The following CTNNB1 variants were observed in gnomAD, a reference collection of about 807,000 sequenced individuals.
The protein encoded by CTNNB1 is catenin beta-1.
CTNNB1 carries 6 observed loss-of-function variants against 82.5 expected under a neutral mutation model. The ratio of observed to expected loss-of-function variants is 0.07; its 90% CI spans 0.04 to 0.14. The LOEUF (loss-of-function observed/expected upper bound fraction) is 0.14, where lower values mean the gene tolerates loss of function less well. Ranked by LOEUF, CTNNB1 falls within the 10% of genes least tolerant of loss-of-function variation. The pLI, the probability that CTNNB1 is intolerant of heterozygous loss-of-function variation, is 1.00. For missense variants in CTNNB1, 529 were observed against 980.4 expected (o/e 0.54, Z 6.15); for synonymous variants, 312 against 329.7 (o/e 0.95, Z 0.58).
chr3:41,209,145 C>T (rs1307009531), intron 1 of CTNNB1, among the ~76,000 whole-genome samples: 1 of 152,164 alleles, frequency 6.6e-6, no homozygotes, highest in Non-Finnish European at 1.5e-5. Context: ...ACTAGCATTT[C>T]CTTCTTTGTT....
intron 1 of CTNNB1, among the ~76,000 whole-genome samples, chr3:41,204,744 TAC>T (rs1264681784): frequency 2.0e-5 from 3 of 152,258 alleles, no homozygotes; most frequent in Non-Finnish European, 2.9e-5. Context: ...ACAAATTAAA[TAC>T]ACTTATTTGC....
At chr3:41,236,928 T>A in intron 13 of CTNNB1, 1 of 613,830 alleles carries the variant, frequency 1.6e-6, no homozygotes, top group Non-Finnish European at 2.8e-6. Flanking sequence ...TTGTGTTATT[T>A]AAAATTATAA....
intron 1 of CTNNB1, among the ~76,000 whole-genome samples, chr3:41,212,303 T>G (rs974426169): frequency 2.0e-5 from 3 of 152,214 alleles, no homozygotes; most frequent in Non-Finnish European, 4.4e-5. Context: ...TTTTGTTGAA[T>G]GAATATTCTG....
At chr3:41,227,597 T>C (rs978254627) in intron 7 of CTNNB1, among the ~76,000 whole-genome samples, 3 of 152,172 alleles carry the variant, frequency 2.0e-5, no homozygotes, top group African/African-American at 7.2e-5. Flanking sequence ...ATAAAATTTG[T>C]TTGTAATTTC....
At chr3:41,230,933 C>G (rs1459922680) in intron 7 of CTNNB1, among the ~76,000 whole-genome samples, 1 of 152,186 alleles carries the variant, frequency 6.6e-6, no homozygotes, top group African/African-American at 2.4e-5. Context: ...AAAAGAATCT[C>G]ATAATGTTTA....
chr3:41,234,114 G>A, intron 9 of CTNNB1, 25 bp from the exon 10 acceptor site: 1 of 1,614,112 alleles, frequency 6.2e-7, no homozygotes, highest in Non-Finnish European at 8.5e-7. Flanking sequence ...TGAGTTGTAT[G>A]CCAGTTCTTC....
intron 10 of CTNNB1, chr3:41,234,740 T>C (rs1255358507): frequency 5.2e-6 from 1 of 193,424 alleles, no homozygotes; most frequent in Non-Finnish European, 1.1e-5. Context: ...CCTAAGAATA[T>C]TCAGAAATAA....
rs1207330730 is a variant in CTNNB1 at position 41,239,986 on chromosome 3, C to CTTTTTTTTTTTTTTTTTTTTTTTTT, written c.*645_*669dup. ...TGACTTTGCTTGCTTTGAAGTAGCT[C>CTTTTTTTTTTTTTTTTTTTTTTTTT]TTTTTTTTTTTTTTTTTTTTTTTTT... On this transcript the variant is annotated 3_prime_UTR_variant, in exon 15 of 15. Transcript: ENST00000349496. 6 of 30,586 alleles carry CTTTTTTTTTTTTTTTTTTTTTTTTT rather than the reference C, an allele frequency of 2.0e-4. No homozygotes were observed. The highest frequency in any genetic ancestry group is 4.3e-4 in the East Asian group (1 of 2,308). The allele number at this position is 30,586 out of a possible 1,614,324, so 1.9% of individuals were successfully genotyped here.
chr3:41,232,763 T>C (rs1328583002), intron 7 of CTNNB1, among the ~76,000 whole-genome samples: 1 of 152,124 alleles, frequency 6.6e-6, no homozygotes, highest in Non-Finnish European at 1.5e-5. Context: ...ACCCCAGGAA[T>C]TTACCTAGCT....
At chr3:41,237,253 T>C (rs1194811483) in intron 13 of CTNNB1, 1 of 163,946 alleles carries the variant, frequency 6.1e-6, no homozygotes, top group Non-Finnish European at 1.3e-5. Flanking sequence ...AAAGAGAGAT[T>C]GTTAGGTTTA....
At position 41,211,088 on chromosome 3, in the gene CTNNB1, T is replaced by C. The variant is rs1329787504; in HGVS notation, c.-49+11418T>C. On this transcript the variant is annotated intron_variant, in intron 1 of 14. Coordinates refer to ENST00000349496, the MANE Select transcript of CTNNB1 (RefSeq NM_001904.4). ...GATTACAGGTAAGAGCCACCATGTC[T>C]GGCCCACTGTACTTTTATACAACTG... 1.3e-5 allele frequency: 6 copies of C among 456,558 alleles called. No individual in the cohort carries two copies. In the East Asian group the frequency reaches 4.2e-4, roughly 32 times the overall value. 28.3% of individuals were successfully genotyped at this position (456,558 alleles called of 1,614,324 possible).
At chr3:41,227,185 GAT>G (rs139158008) in intron 6 of CTNNB1, 21 bp from the exon 7 acceptor site, 2,194 of 1,501,190 alleles carry the variant, frequency 1.5e-3, no homozygotes, top group Non-Finnish European at 1.6e-3. Flanking sequence ...TGACTAACAA[GAT>G]ATATATATAT....
intron 1 of CTNNB1, among the ~76,000 whole-genome samples, chr3:41,218,049 G>C (rs1320617165): frequency 2.0e-5 from 3 of 151,930 alleles, no homozygotes; most frequent in Admixed American, 6.6e-5. Context: ...CATCGATTGG[G>C]CATGGTTTTA....
chr3:41,224,359 A>G (rs578255737), intron 2 of CTNNB1, 167 bp from the exon 3 acceptor site: 3 of 763,052 alleles, frequency 3.9e-6, no homozygotes, highest in Non-Finnish European at 6.6e-6. Flanking sequence ...GGGATTAGGT[A>G]TTTCATCACT....
chr3:41,204,394 A>C (rs189852196), intron 1 of CTNNB1, among the ~76,000 whole-genome samples: 51 of 152,362 alleles, frequency 3.3e-4, no homozygotes, highest in African/African-American at 1.2e-3. Flanking sequence ...TCATTAATGT[A>C]GCATACTACA....
intron 7 of CTNNB1, among the ~76,000 whole-genome samples, chr3:41,228,227 G>A (rs989660502): frequency 6.6e-6 from 1 of 152,030 alleles, no homozygotes; most frequent in Admixed American, 6.5e-5. Flanking sequence ...TTTTCTTTGG[G>A]CATATACCTA....
chr3:41,239,511 G>A lies in CTNNB1; in HGVS notation c.*169G>A. 1 of 646,324 alleles carries A rather than the reference G, an allele frequency of 1.5e-6. No homozygotes were observed. Among genetic ancestry groups the A allele is most frequent in the Non-Finnish European group, 2.7e-6 (1 of 364,160 alleles). The allele number at this position is 646,324 out of a possible 1,614,324, so 40.0% of individuals were successfully genotyped here. ...TTGAAAGGAGATGTCTTGGAACATT[G>A]GAATGTTCTCAGATTTCTGGTTGTT... On this transcript the variant is annotated 3_prime_UTR_variant, in exon 15 of 15. Coordinates refer to ENST00000349496, the MANE Select transcript of CTNNB1 (RefSeq NM_001904.4).
Position 41,233,637 on chromosome 3 carries a change from T to C in CTNNB1, c.1294T>C (p.Tyr432His), listed in dbSNP as rs2125639346. 6.2e-7 allele frequency: 1 copy of C among 1,614,136 alleles called. No individual in the cohort carries two copies. Among genetic ancestry groups the C allele is most frequent in the Non-Finnish European group, 8.5e-7 (1 of 1,180,018 alleles). The change falls in exon 9 of 15, where the codon TAT becomes CAT. Residue 432 changes from tyrosine to histidine, a missense_variant. Tyr to His is a moderately conservative substitution (Grantham distance 83, BLOSUM62 2). Around this residue, in one of 4 missense-constraint regions of CTNNB1, gnomAD observed 411 missense variants for 776.4 expected, o/e 0.53. Coordinates refer to ENST00000349496, the MANE Select transcript of CTNNB1 (RefSeq NM_001904.4). ...TCTTTCTAACCTCACTTGCAATAAT[T>C]ATAAGAACAAGATGATGGTCTGCCA... is the stretch of plus-strand genomic sequence containing the variant. ...GILSNLTCNN[Y>H]KNKMMVCQVG... is the part of the protein sequence containing the mutation.
intron 1 of CTNNB1, among the ~76,000 whole-genome samples, chr3:41,218,083 A>G (rs545209707): frequency 1.3e-5 from 2 of 152,202 alleles, no homozygotes; most frequent in South Asian, 2.1e-4. Flanking sequence ...CCCGTATTTT[A>G]TCTCATTTTA....
Sources: allele counts gnomAD v4.1 joint callset (sites outside exome capture counted in the v4.1 genomes callset), GRCh38; gene constraint gnomAD v4.1.1; regional missense constraint gnomAD v4.1.1; transcripts MANE v1.5; gene names NCBI Gene and HGNC (gene_info 2026-07-23, HGNC 2026-07-21).